Variants in RYR2 observed in about 807,000 individuals in gnomAD.
RYR2 encodes cardiac muscle ryanodine receptor-calcium release channel.
Under a neutral mutation model 601.1 loss-of-function variants are expected in RYR2, and 227 were observed. The observed-to-expected ratio is 0.38, with a 90% CI of 0.34 to 0.42. The LOEUF is 0.42. Ranked by LOEUF, RYR2 falls within the 10% of genes least tolerant of loss-of-function variation. The pLI is 1.00. For synonymous variants in RYR2, 2,223 were observed against 2,175.1 expected (o/e 1.02, Z -0.61); for missense variants, 4,646 against 6,156.5 (o/e 0.75, Z 8.21).
At chr1:237,678,751 C>G (rs1264309354) in intron 61 of RYR2, among the ~76,000 whole-genome samples, 3 of 152,138 alleles carry the variant, frequency 2.0e-5, no homozygotes, top group South Asian at 2.1e-4. Context: ...TACTGTGTGT[C>G]TAGTGTGGGT....
intron 58 of RYR2, among the ~76,000 whole-genome samples, chr1:237,671,520 CGTGTGT>C (rs368296995): frequency 6.4e-5 from 9 of 140,668 alleles, no homozygotes; most frequent in Middle Eastern, 3.6e-3. Flanking sequence ...TGTGTGTGTG[CGTGTGT>C]GTGTGTGTGT....
In RYR2 at chr1:237,222,345, G is replaced by A. The variant is rs563068218; in HGVS notation, c.49-48152G>A. On this transcript the variant is annotated intron_variant, in intron 1 of 104. Transcript: ENST00000366574. Reference sequence around the variant, plus strand: ...GGAGAATGGCGTGAACCTGGGAGGCGGAGCTTGCAGTGAGCCAATATCGCA... The same window carrying A: ...GGAGAATGGCGTGAACCTGGGAGGCAGAGCTTGCAGTGAGCCAATATCGCA... Among the ~76,000 whole-genome samples the A allele has an allele frequency of 2.6e-5, 4 of 151,776 alleles. No individual in the cohort carries two copies. In the East Asian group the frequency reaches 7.8e-4, roughly 30 times the overall value.
intron 10 of RYR2, among the ~76,000 whole-genome samples, chr1:237,416,132 A>G (rs373592171): frequency 6.6e-6 from 1 of 152,218 alleles, no homozygotes; most frequent in Non-Finnish European, 1.5e-5. Context: ...ATTTGGTAAC[A>G]TGAAGGTCAC....
In RYR2 at chr1:237,130,026, G is replaced by A. The variant is rs144287361; in HGVS notation, c.48+87457G>A. 2.2e-4 allele frequency among the ~76,000 whole-genome samples: 34 copies of A among 152,176 alleles called. No individual in the cohort carries two copies. The East Asian group carries it at 6.4e-3, about 28-fold the overall frequency. ...TATGAATAAGTTGTGAATAAGTTCT[G>A]GAGATCTATTGTACAGCATGGTGAC... On this transcript the variant is annotated intron_variant, in intron 1 of 104. Transcript: ENST00000366574.
chr1:237,302,318 T>C (rs553989187), intron 2 of RYR2, among the ~76,000 whole-genome samples: 1 of 152,212 alleles, frequency 6.6e-6, no homozygotes, highest in African/African-American at 2.4e-5. Context: ...ACATAAGTCT[T>C]TAATGTGATA....
intron 104 of RYR2, 94 bp from the exon 105 acceptor site, chr1:237,832,458 C>A (rs538895588): frequency 1.4e-6 from 1 of 707,330 alleles, no homozygotes; most frequent in Non-Finnish European, 2.4e-6. Flanking sequence ...TTCTCTATTC[C>A]GTGCGATATA....
At chr1:237,612,159 C>T (rs903291786) in intron 36 of RYR2, among the ~76,000 whole-genome samples, 1 of 152,006 alleles carries the variant, frequency 6.6e-6, no homozygotes, top group Admixed American at 6.6e-5. Context: ...TGAAAGAAAC[C>T]AGTCACGGAA....
At chr1:237,548,257 G>T (rs1393833302) in intron 25 of RYR2, among the ~76,000 whole-genome samples, 174 bp from the exon 26 acceptor site, 1 of 152,142 alleles carries the variant, frequency 6.6e-6, no homozygotes, top group Admixed American at 6.5e-5. Context: ...TTTTCATTCT[G>T]ATCAGTTATT....
intron 38 of RYR2, among the ~76,000 whole-genome samples, chr1:237,618,733 G>A (rs1678762178): frequency 6.6e-6 from 1 of 152,202 alleles, no homozygotes. Context: ...CACAGGCTGA[G>A]TGGGGAACCT....
rs1160002244 is a variant in RYR2 at position 237,654,397 on chromosome 1, G to A, written c.7948G>A (p.Asp2650Asn). 6.2e-7 allele frequency: 1 copy of A among 1,613,828 alleles called. No homozygotes were observed. Among genetic ancestry groups the A allele is most frequent in the Non-Finnish European group, 8.5e-7 (1 of 1,179,818 alleles). ...LSRKLFWGIF[D>N]ALSQKKYEQE... ...AAGAAAGTTGTTCTGGGGCATTTTTGATGCCCTGTCTCAAAAGGTAATTTA... is the reference window on the plus strand; with the variant it reads ...AAGAAAGTTGTTCTGGGGCATTTTTAATGCCCTGTCTCAAAAGGTAATTTA... The change falls in exon 52 of 105, where the codon GAT (aspartate) becomes AAT (asparagine). Residue 2650 changes from aspartate to asparagine, a missense_variant. This residue lies in a region of RYR2 where 1,497 missense variants were observed against 1,842.6 expected (regional missense o/e 0.81). Coordinates refer to ENST00000366574, the MANE Select transcript of RYR2 (RefSeq NM_001035.3).
chr1:237,168,122 G>A (rs959375028), intron 1 of RYR2, among the ~76,000 whole-genome samples: 1 of 152,152 alleles, frequency 6.6e-6, no homozygotes, highest in Admixed American at 6.5e-5. Context: ...GTGTGTCTTG[G>A]AAAAGGCCTG....
chr1:237,473,597 C>A (rs1361095398), intron 17 of RYR2, among the ~76,000 whole-genome samples: 2 of 151,976 alleles, frequency 1.3e-5, no homozygotes. Flanking sequence ...ACATGGTGTT[C>A]AGCTGCAAAT....
At chr1:237,270,037 G>A (rs1469194024) in intron 1 of RYR2, among the ~76,000 whole-genome samples, 1 of 152,174 alleles carries the variant, frequency 6.6e-6, no homozygotes, top group East Asian at 1.9e-4. Context: ...AGAAAGTTCT[G>A]TTATTGACCT....
chr1:237,166,288 T>C (rs1295737544), intron 1 of RYR2, among the ~76,000 whole-genome samples: 1 of 152,082 alleles, frequency 6.6e-6, no homozygotes, highest in African/African-American at 2.4e-5. Flanking sequence ...CTTTCAAAAA[T>C]AATATTAGAC....
At chr1:237,130,200 A>G (rs1375740174) in intron 1 of RYR2, among the ~76,000 whole-genome samples, 3 of 152,236 alleles carry the variant, frequency 2.0e-5, no homozygotes, top group Non-Finnish European at 4.4e-5. Flanking sequence ...CACGTTGTAC[A>G]CAGCAAATAT....
At chr1:237,150,660 T>A (rs1388769723) in intron 1 of RYR2, among the ~76,000 whole-genome samples, 1 of 152,168 alleles carries the variant, frequency 6.6e-6, no homozygotes, top group Non-Finnish European at 1.5e-5. Flanking sequence ...CATAGGCTAA[T>A]GGGAATATTG....
intron 35 of RYR2, among the ~76,000 whole-genome samples, chr1:237,603,852 A>G (rs953478576): frequency 1.3e-5 from 2 of 152,234 alleles, no homozygotes; most frequent in Non-Finnish European, 2.9e-5. Context: ...TAAAGGGATC[A>G]ATTCAACAAG....
intron 1 of RYR2, among the ~76,000 whole-genome samples, chr1:237,237,428 G>A (rs1685661967): frequency 6.6e-6 from 1 of 152,162 alleles, no homozygotes; most frequent in Non-Finnish European, 1.5e-5. Flanking sequence ...AAAGAAACCT[G>A]AAAAACTAGT....
At chr1:237,700,041 A>T (rs1573577058) in intron 64 of RYR2, among the ~76,000 whole-genome samples, 188 bp from the exon 65 acceptor site, 2 of 152,356 alleles carry the variant, frequency 1.3e-5, no homozygotes, top group East Asian at 3.9e-4. Flanking sequence ...TTTGGAAAAG[A>T]TAATTTACAG....
Sources: allele counts gnomAD v4.1 joint callset (sites outside exome capture counted in the v4.1 genomes callset), GRCh38; gene constraint gnomAD v4.1.1; regional missense constraint gnomAD v4.1.1; transcripts MANE v1.5; gene names NCBI Gene and HGNC (gene_info 2026-07-23, HGNC 2026-07-21).